The following SENP6 variants were observed in gnomAD, a reference collection of about 807,000 sequenced individuals.
SENP6 encodes sentrin-specific protease 6.
SENP6 carries 41 observed loss-of-function variants against 134.5 expected under a neutral mutation model. The ratio of observed to expected loss-of-function variants is 0.30; its 90% CI spans 0.24 to 0.40. The LOEUF (loss-of-function observed/expected upper bound fraction) is 0.40, where lower values mean the gene tolerates loss of function less well. Ranked by LOEUF, SENP6 falls within the 10% of genes least tolerant of loss-of-function variation. SENP6 has a pLI of 1.00. For missense variants in SENP6, 1,248 were observed against 1,312.5 expected (o/e 0.95, Z 0.76); for synonymous variants, 395 against 429.8 (o/e 0.92, Z 1.00).
chr6:75,675,903 T>G lies in SENP6; in HGVS notation c.1470T>G (p.Asp490Glu), dbSNP rs766051285. 1.2e-6 allele frequency: 2 copies of G among 1,609,322 alleles called. No homozygotes were observed. The highest frequency in any genetic ancestry group is 8.5e-7 in the Non-Finnish European group (1 of 1,178,464). The change falls in exon 13 of 24, where the codon GAT (aspartate) becomes GAG (glutamate). Residue 490 changes from aspartate to glutamate, a missense_variant. Asp to Glu is a conservative substitution (Grantham distance 45). Transcript: ENST00000447266. The part of the protein sequence containing the change: ...DPVEIILNTS[D>E]LTKCEWCNVR... ...TAGAGATTATATTAAATACCTCTGA[T>G]CTAACTAAATGTGAATGGTGTAATG...
intron 21 of SENP6, among the ~76,000 whole-genome samples, chr6:75,713,079 G>A (rs1404235910): frequency 6.6e-6 from 1 of 152,086 alleles, no homozygotes. Context: ...TTCACATGGT[G>A]ACAGAGTGAG....
chr6:75,625,924 T>C (rs1431408741), intron 3 of SENP6, among the ~76,000 whole-genome samples: 1 of 152,170 alleles, frequency 6.6e-6, no homozygotes, highest in Non-Finnish European at 1.5e-5. Context: ...TTATTAGATA[T>C]ATAAAATAGT....
Position 75,625,566 on chromosome 6 carries a change from T to G in SENP6, c.207+1606T>G, listed in dbSNP as rs202024204. The stretch of plus-strand genomic sequence containing the variant: ...TCTACTGTCTTTGTTCCTAATGATG[T>G]TAATTTAATAACTTATTTGGGGCTG... On this transcript the variant is annotated intron_variant, in intron 3 of 23. Coordinates refer to ENST00000447266, the MANE Select transcript of SENP6 (RefSeq NM_015571.4). Among the ~76,000 whole-genome samples, 100 of 152,318 alleles carry G rather than the reference T, an allele frequency of 6.6e-4. 1 individual carries two copies. In the East Asian group the frequency reaches 0.011, roughly 17 times the overall value.
intron 10 of SENP6, 68 bp from the exon 11 acceptor site, chr6:75,670,485 A>G (rs947513452): frequency 2.7e-6 from 3 of 1,106,362 alleles, no homozygotes; most frequent in Non-Finnish European, 3.9e-6. Context: ...GTCTTTGCAT[A>G]TGTTTATACT....
chr6:75,715,467 T>A lies in SENP6; in HGVS notation c.3212T>A (p.Ile1071Asn). ...PPRMRTKREE[I>N]RNIILKLQED... ...AGAATGAGAACAAAAAGAGAAGAAATCCGAAACATAATTCTGAAGCTACAG... is the reference window on the plus strand; with the variant it reads ...AGAATGAGAACAAAAAGAGAAGAAAACCGAAACATAATTCTGAAGCTACAG... The change falls in exon 24 of 24, where the codon ATC becomes AAC. Residue 1071 changes from isoleucine (I) to asparagine (N), a missense_variant. Physicochemically the swap from Ile to Asn is moderately radical, Grantham distance 149. Transcript: ENST00000447266. 1 of 1,612,866 alleles carries A rather than the reference T, an allele frequency of 6.2e-7. No homozygotes were observed. The highest frequency in any genetic ancestry group is 8.5e-7 in the Non-Finnish European group (1 of 1,179,424).
intron 16 of SENP6, among the ~76,000 whole-genome samples, chr6:75,681,214 C>G (rs1182737997): frequency 1.3e-5 from 2 of 152,066 alleles, no homozygotes; most frequent in African/African-American, 4.8e-5. Context: ...GCAGATTTCC[C>G]CCTTTCCATC....
intron 1 of SENP6, among the ~76,000 whole-genome samples, chr6:75,608,780 A>G (rs1424148283): frequency 6.6e-6 from 1 of 152,194 alleles, no homozygotes; most frequent in East Asian, 1.9e-4. Flanking sequence ...GGATTGAGGA[A>G]ATATATATTA....
At chr6:75,632,112 T>C (rs1044851590) in intron 3 of SENP6, among the ~76,000 whole-genome samples, 1 of 152,246 alleles carries the variant, frequency 6.6e-6, no homozygotes. Context: ...TGTCCTTTCA[T>C]GTTTTATGCC....
chr6:75,695,810 G>C lies in SENP6; in HGVS notation c.2082G>C (p.Leu694Phe). Residue 694 changes from leucine (L) to phenylalanine (F), a missense_variant, in exon 17 of 24, where the codon TTG becomes TTC. Leu to Phe is a conservative substitution (Grantham distance 22). This residue lies in a region of SENP6 where 129 missense variants were observed against 192.0 expected (regional missense o/e 0.67). Transcript: ENST00000447266. ...DVIIDFYLKY[L>F]VLEKLKKEDA... ...ATTATTTTCTATCAAATAGATACTT[G>C]GTGCTTGAAAAACTGAAGAAGGAAG... is the stretch of plus-strand genomic sequence containing the variant. The C allele has an allele frequency of 9.5e-6, 15 of 1,579,000 alleles. No homozygotes were observed. The highest frequency in any genetic ancestry group is 1.3e-5 in the Non-Finnish European group (15 of 1,163,498).
intron 16 of SENP6, among the ~76,000 whole-genome samples, chr6:75,682,357 C>T (rs537499894): frequency 1.3e-5 from 2 of 151,544 alleles, no homozygotes; most frequent in African/African-American, 4.8e-5. Flanking sequence ...TAGAAGAACT[C>T]GACAACACCA....
intron 1 of SENP6, among the ~76,000 whole-genome samples, chr6:75,603,927 G>A (rs1024633233): frequency 6.6e-6 from 1 of 152,134 alleles, no homozygotes; most frequent in Non-Finnish European, 1.5e-5. Context: ...GGTTCGTTTC[G>A]TATTACCTCC....
intron 1 of SENP6, among the ~76,000 whole-genome samples, chr6:75,606,283 T>G (rs1404459670): frequency 1.3e-5 from 2 of 152,198 alleles, no homozygotes; most frequent in Non-Finnish European, 2.9e-5. Flanking sequence ...ATTGTATGGA[T>G]TTCATTAAGC....
intron 1 of SENP6, among the ~76,000 whole-genome samples, chr6:75,615,449 G>C (rs1024918070): frequency 6.6e-6 from 1 of 152,128 alleles, no homozygotes; most frequent in Admixed American, 6.6e-5. Flanking sequence ...CAAAGTGCTG[G>C]GATTACAGGC....
intron 16 of SENP6, among the ~76,000 whole-genome samples, chr6:75,695,534 C>T (rs965009570): frequency 9.2e-5 from 14 of 152,062 alleles, no homozygotes; most frequent in Non-Finnish European, 1.8e-4. Flanking sequence ...GTCAGGAGTT[C>T]GAGACCAGCC....
intron 16 of SENP6, among the ~76,000 whole-genome samples, chr6:75,682,791 A>T (rs904027044): frequency 6.6e-6 from 1 of 152,092 alleles, no homozygotes; most frequent in Non-Finnish European, 1.5e-5. Flanking sequence ...ACATTTCCTT[A>T]ATCCAGTCTA....
rs1444407436 is a variant in SENP6 at position 75,715,411 on chromosome 6, T to C, written c.3156T>C (p.Pro1052=). The C allele has an allele frequency of 6.2e-7, 1 of 1,612,808 alleles. No homozygotes were observed. Among genetic ancestry groups the C allele is most frequent in the Middle Eastern group, 1.7e-4 (1 of 6,030 alleles). The change falls in exon 24 of 24, where the codon CCT becomes CCC. Residue 1052 remains proline (P), a synonymous_variant. Coordinates refer to ENST00000447266, the MANE Select transcript of SENP6 (RefSeq NM_015571.4). ...ATCCAATTCTCAGTTTTGAACTACC[T>C]ATGAATTTGGCAAACTGGTTTCCTC... ...FENPILSFEL[P]MNLANWFPPP...
chr6:75,697,067 T>C (rs952262794), intron 17 of SENP6, among the ~76,000 whole-genome samples: 1 of 152,212 alleles, frequency 6.6e-6, no homozygotes, highest in Admixed American at 6.5e-5. Context: ...CTTTTCCTAC[T>C]GTCTTCTCCC....
chr6:75,638,241 TG>T (rs1330647034), intron 5 of SENP6, among the ~76,000 whole-genome samples: 2 of 89,316 alleles, frequency 2.2e-5, no homozygotes, highest in African/African-American at 4.1e-5. Flanking sequence ...CCTTTTCTTT[TG>T]TTTTTTTTTT....
chr6:75,625,763 G>C (rs1267437320), intron 3 of SENP6, among the ~76,000 whole-genome samples: 2 of 152,148 alleles, frequency 1.3e-5, no homozygotes, highest in African/African-American at 4.8e-5. Flanking sequence ...CAGCTACGTG[G>C]GAGGCTGAGG....
Sources: gnomAD v4.1 joint callset for allele counts (sites outside exome capture counted in the v4.1 genomes callset) on GRCh38, gnomAD v4.1.1 for gene constraint, gnomAD v4.1.1 regional missense constraint, MANE v1.5 for transcripts, NCBI Gene and HGNC (gene_info 2026-07-23, HGNC 2026-07-21) for gene names.